DLG2: variants seen among roughly 807,000 people sequenced by gnomAD.
DLG2 encodes the protein discs large MAGUK scaffold protein 2.
A neutral mutation model predicts 132.5 loss-of-function variants in DLG2; 45 were observed. The ratio of observed to expected loss-of-function variants is 0.34; its 90% CI spans 0.27 to 0.44. DLG2 has a LOEUF of 0.44. Among genes scored for constraint, DLG2 ranks in the 20% least tolerant of loss-of-function variants. The pLI, the probability that DLG2 is intolerant of heterozygous loss-of-function variation, is 1.00. For missense variants in DLG2, 1,045 were observed against 1,196.9 expected, an observed-to-expected ratio of 0.87 and a Z score of 1.87; for synonymous variants, 424 against 419.6, an observed-to-expected ratio of 1.01 and a Z score of -0.13.
intron 7 of DLG2, among the ~76,000 whole-genome samples, chr11:84,435,639 C>T (rs561393335): frequency 3.3e-5 from 5 of 152,204 alleles, no homozygotes; most frequent in Admixed American, 2.6e-4. Flanking sequence ...ATAATTTGAA[C>T]CCTTAAAATC....
At chr11:84,456,311 A>G (rs1419014532) in intron 7 of DLG2, among the ~76,000 whole-genome samples, 1 of 151,350 alleles carries the variant, frequency 6.6e-6, no homozygotes, top group Non-Finnish European at 1.5e-5. Flanking sequence ...AGAATGCCCT[A>G]GTTTTCACCC....
At chr11:84,774,473 A>G (rs901092995) in intron 6 of DLG2, among the ~76,000 whole-genome samples, 23 of 152,160 alleles carry the variant, frequency 1.5e-4, no homozygotes, top group African/African-American at 4.8e-4. Context: ...CAACACAACA[A>G]AAAGTCCAAA....
At chr11:84,583,877 G>C (rs988314027) in intron 6 of DLG2, among the ~76,000 whole-genome samples, 2 of 151,962 alleles carry the variant, frequency 1.3e-5, no homozygotes, top group African/African-American at 4.8e-5. Flanking sequence ...ATGTTTCAAA[G>C]ATTCATTCAT....
At chr11:85,308,789 A>G (rs1565302717) in intron 3 of DLG2, among the ~76,000 whole-genome samples, 2 of 152,190 alleles carry the variant, frequency 1.3e-5, no homozygotes, top group South Asian at 4.1e-4. Flanking sequence ...GCTAATAATA[A>G]TGTTAGCTAG....
intron 6 of DLG2, among the ~76,000 whole-genome samples, chr11:85,090,353 AATG>A (rs1437042142): frequency 1.8e-4 from 27 of 152,250 alleles, no homozygotes; most frequent in Middle Eastern, 3.4e-3. Flanking sequence ...TATTCTCTAT[AATG>A]ATATTTCCAA....
At chr11:84,186,521 A>C (rs1166198383) in intron 8 of DLG2, among the ~76,000 whole-genome samples, 1 of 152,060 alleles carries the variant, frequency 6.6e-6, no homozygotes, top group African/African-American at 2.4e-5. Flanking sequence ...ACTATATAAT[A>C]GGTATTCTAT....
At chr11:84,475,947 T>TAAGTCCGATTGTATACA (rs2099120553) in intron 7 of DLG2, among the ~76,000 whole-genome samples, 1 of 152,022 alleles carries the variant, frequency 6.6e-6, no homozygotes, top group African/African-American at 2.4e-5. Flanking sequence ...TGGTTCTGTT[T>TAAGTCCGATTGTATACA]AAGTCCGATT....
intron 18 of DLG2, among the ~76,000 whole-genome samples, chr11:83,767,261 C>G (rs1215334480): frequency 1.3e-5 from 2 of 151,968 alleles, no homozygotes; most frequent in East Asian, 3.8e-4. Flanking sequence ...CTTTTAAGTT[C>G]TGGGGTACAT....
At position 85,154,135 on chromosome 11, in the gene DLG2, GAAAAAAAAAAAAAA is replaced by G. The variant is rs34094958; in HGVS notation, c.282+407_282+420del. Among the ~76,000 whole-genome samples the G allele has an allele frequency of 1.2e-3, 70 of 57,660 alleles. 1 individual carries two copies. Among genetic ancestry groups the G allele is most frequent in the South Asian group, 5.4e-3 (7 of 1,296 alleles). 37.8% of individuals were successfully genotyped at this position (57,660 alleles called of 152,430 possible). ...CCCACCCTCCCTCTCTTCTTTTGGA[GAAAAAAAAAAAAAA>G]AAAAAAAAAAAACAGTCTCATTGCC... On this transcript the variant is annotated intron_variant, in intron 5 of 27. Coordinates refer to ENST00000376104, the MANE Select transcript of DLG2 (RefSeq NM_001142699.3).
At chr11:83,514,435 A>T (rs1257029414) in intron 21 of DLG2, among the ~76,000 whole-genome samples, 1 of 152,178 alleles carries the variant, frequency 6.6e-6, no homozygotes, top group Non-Finnish European at 1.5e-5. Flanking sequence ...TTGGGCTGAG[A>T]CGATGGGGTT....
intron 5 of DLG2, among the ~76,000 whole-genome samples, chr11:85,116,273 T>A (rs1416970202): frequency 6.6e-6 from 1 of 151,978 alleles, no homozygotes; most frequent in Admixed American, 6.6e-5. Flanking sequence ...ACTAGAACAC[T>A]TTCTGACTTC....
intron 19 of DLG2, among the ~76,000 whole-genome samples, chr11:83,557,921 G>A (rs1346404058): frequency 6.6e-6 from 1 of 152,140 alleles, no homozygotes; most frequent in Non-Finnish European, 1.5e-5. Context: ...AATTCTGGCA[G>A]GAAGGAATAT....
intron 2 of DLG2, among the ~76,000 whole-genome samples, chr11:85,616,785 C>T (rs139015459): frequency 2.0e-5 from 3 of 152,216 alleles, no homozygotes; most frequent in South Asian, 4.1e-4. Context: ...GGCAACATTG[C>T]TTGGAAGGCA....
chr11:85,445,574 G>A (rs963609352), intron 3 of DLG2, among the ~76,000 whole-genome samples: 3 of 152,142 alleles, frequency 2.0e-5, no homozygotes, highest in African/African-American at 7.2e-5. Context: ...CAGCTACTCA[G>A]GAGGCTGAGG....
At chr11:84,015,892 T>C (rs1195318531) in intron 11 of DLG2, among the ~76,000 whole-genome samples, 1 of 152,172 alleles carries the variant, frequency 6.6e-6, no homozygotes, top group Admixed American at 6.6e-5. Flanking sequence ...TTCCTTTGGG[T>C]ATATATTCAG....
At chr11:85,253,430 G>C (rs920465783) in intron 4 of DLG2, among the ~76,000 whole-genome samples, 1 of 152,260 alleles carries the variant, frequency 6.6e-6, no homozygotes, top group Admixed American at 6.5e-5. Flanking sequence ...GCTGGGAGGG[G>C]TGAACTCCAC....
chr11:83,580,906 C>T (rs1421702399), intron 19 of DLG2, among the ~76,000 whole-genome samples: 2 of 142,738 alleles, frequency 1.4e-5, no homozygotes, highest in Non-Finnish European at 3.1e-5. Flanking sequence ...TTCCCCTCCC[C>T]TCCCCTCCCC....
At chr11:84,942,956 C>G (rs1015423878) in intron 6 of DLG2, among the ~76,000 whole-genome samples, 7 of 152,248 alleles carry the variant, frequency 4.6e-5, no homozygotes, top group Middle Eastern at 3.4e-3. Flanking sequence ...GACTTGACCC[C>G]TTATCATTAT....
At chr11:84,492,588 A>T (rs956460190) in intron 7 of DLG2, among the ~76,000 whole-genome samples, 1 of 152,182 alleles carries the variant, frequency 6.6e-6, no homozygotes. Flanking sequence ...AATAAAGAAA[A>T]TAATCACATA....
Sources: allele counts gnomAD v4.1 joint callset (sites outside exome capture counted in the v4.1 genomes callset), GRCh38; gene constraint gnomAD v4.1.1; transcripts MANE v1.5; gene names NCBI Gene and HGNC (gene_info 2026-07-23, HGNC 2026-07-21).